The following GRIK1 variants were observed in gnomAD, a reference collection of about 807,000 sequenced individuals.
GRIK1 encodes the protein glutamate receptor ionotropic, kainate 1.
In GRIK1, 69 loss-of-function variants were observed where a neutral mutation model predicts 105.7. The observed-to-expected ratio is 0.65, with a 90% confidence interval of 0.54 to 0.80. The LOEUF is 0.80. Among genes scored for constraint, GRIK1 ranks in the 30% least tolerant of loss-of-function variants. GRIK1 has a pLI of 0.00. For missense variants in GRIK1, 1,109 were observed against 1,167.3 expected, an observed-to-expected ratio of 0.95 and a Z score of 0.73; for synonymous variants, 438 against 431.3, an observed-to-expected ratio of 1.02 and a Z score of -0.19.
At chr21:29,930,500 T>C (rs961568862) in intron 1 of GRIK1, among the ~76,000 whole-genome samples, 1 of 152,196 alleles carries the variant, frequency 6.6e-6, no homozygotes, top group African/African-American at 2.4e-5. Flanking sequence ...GGGAATTAAG[T>C]ATTGATTTTT....
rs182288327 is a variant in GRIK1, at chr21:29,914,084, G to A, written c.118+25299C>T. 4.5e-3 allele frequency among the ~76,000 whole-genome samples: 682 copies of A among 152,010 alleles called. 1 individual carries two copies. The highest frequency in any genetic ancestry group is 0.015 in the African/African-American group (640 of 41,484). On this transcript the variant is annotated intron_variant, in intron 1 of 17. Transcript: ENST00000327783. ...TTTAGGTAAAATAATTCTTTATTGT[G>A]GGGAGTTTTCCTGCATACTATAGGA...
chr21:29,608,960 C>G (rs1239124931), intron 7 of GRIK1, among the ~76,000 whole-genome samples: 1 of 151,906 alleles, frequency 6.6e-6, no homozygotes, highest in Non-Finnish European at 1.5e-5. Context: ...AGTTATAAGA[C>G]AAGTAGGATT....
At chr21:29,855,472 GCATATAACTTGA>G (rs2068435382) in intron 1 of GRIK1, among the ~76,000 whole-genome samples, 2 of 152,310 alleles carry the variant, frequency 1.3e-5, no homozygotes, top group East Asian at 3.9e-4. Context: ...ACCAAAGGCA[GCATATAACTTGA>G]CATAAGAAAT....
intron 1 of GRIK1, among the ~76,000 whole-genome samples, chr21:29,887,968 A>G (rs2069699689): frequency 1.3e-5 from 2 of 151,952 alleles, no homozygotes; most frequent in Non-Finnish European, 2.9e-5. Flanking sequence ...GGGTAGAATA[A>G]ATACTAGATT....
At position 29,689,784 on chromosome 21, in the gene GRIK1, T is replaced by A. The variant is rs2063551305; in HGVS notation, c.488A>T (p.Asp163Val). ...TTTCCAGTTGTAATAGAGGACCAGATCCAGGATCGCCCTGCTGATAGCTGC... is the reference window on the plus strand; with the variant it reads ...TTTCCAGTTGTAATAGAGGACCAGAACCAGGATCGCCCTGCTGATAGCTGC... ...DYAAISRAILDLVLYYNWKTV... is the reference protein window; with the variant it reads ...DYAAISRAILVLVLYYNWKTV... Residue 163 changes from aspartate to valine, a missense_variant, in exon 3 of 18, where the codon GAT becomes GTT. Asp to Val is a radical substitution (Grantham distance 152, BLOSUM62 -3). Transcript: ENST00000327783. 1 of 1,613,876 alleles carries A rather than the reference T, an allele frequency of 6.2e-7. No individual in the cohort carries two copies. Among genetic ancestry groups the A allele is most frequent in the South Asian group, 1.1e-5 (1 of 91,062 alleles).
At chr21:29,540,314 AAAC>A (rs1385419631) in intron 16 of GRIK1, among the ~76,000 whole-genome samples, 1 of 152,230 alleles carries the variant, frequency 6.6e-6, no homozygotes, top group African/African-American at 2.4e-5. Flanking sequence ...GAGCAAATAT[AAAC>A]ATAGTTTTAT....
chr21:29,888,158 C>CTT (rs2069710824), intron 1 of GRIK1, among the ~76,000 whole-genome samples: 1 of 43,992 alleles, frequency 2.3e-5, no homozygotes. Flanking sequence ...TCCCTCCTTT[C>CTT]TTTTTTCTTT....
chr21:29,661,648 T>C (rs1235964494), intron 4 of GRIK1, among the ~76,000 whole-genome samples: 1 of 152,166 alleles, frequency 6.6e-6, no homozygotes, highest in Non-Finnish European at 1.5e-5. Context: ...TGTAAACAAA[T>C]ATATTGTTAA....
chr21:29,708,543 G>T (rs1170090939), intron 1 of GRIK1, among the ~76,000 whole-genome samples: 3 of 152,174 alleles, frequency 2.0e-5, no homozygotes, highest in Non-Finnish European at 2.9e-5. Context: ...TGCGTGGATT[G>T]TACCTAACAT....
At chr21:29,695,233 A>G (rs1028186615) in intron 1 of GRIK1, among the ~76,000 whole-genome samples, 1 of 152,162 alleles carries the variant, frequency 6.6e-6, no homozygotes, top group African/African-American at 2.4e-5. Flanking sequence ...TTAACTGTAC[A>G]GTTCTTAGAT....
chr21:29,935,438 T>A (rs2071714765), intron 1 of GRIK1, among the ~76,000 whole-genome samples: 1 of 152,164 alleles, frequency 6.6e-6, no homozygotes, highest in Non-Finnish European at 1.5e-5. Flanking sequence ...GAATGAAGAA[T>A]GAATATTAAA....
At chr21:29,579,011 C>T (rs1407910674) in intron 13 of GRIK1, among the ~76,000 whole-genome samples, 2 of 151,994 alleles carry the variant, frequency 1.3e-5, no homozygotes, top group East Asian at 1.9e-4. Flanking sequence ...AAGGTTTTCA[C>T]TTATTTGTAT....
In GRIK1 at chr21:29,767,697, T is replaced by G. The variant is rs564584975; in HGVS notation, c.119-73634A>C. 2.0e-5 allele frequency among the ~76,000 whole-genome samples: 3 copies of G among 152,324 alleles called. 1 individual carries two copies. Among genetic ancestry groups the G allele is most frequent in the African/African-American group, 7.2e-5 (3 of 41,566 alleles). ...TCAAAAGGCTCTTGTGCTTCAACTT[T>G]TAATCTGGTAGTGACAGGCAATTGA... On this transcript the variant is annotated intron_variant, in intron 1 of 17. Coordinates refer to ENST00000327783, the MANE Select transcript of GRIK1 (RefSeq NM_001330994.2).
At chr21:29,664,264 TGTC>T (rs1334482159) in intron 4 of GRIK1, among the ~76,000 whole-genome samples, 1 of 152,196 alleles carries the variant, frequency 6.6e-6, no homozygotes, top group Non-Finnish European at 1.5e-5. Context: ...CAGGGAGTGA[TGTC>T]GTGATACAGA....
intron 1 of GRIK1, among the ~76,000 whole-genome samples, chr21:29,785,357 T>G (rs189519756): frequency 6.6e-6 from 1 of 151,922 alleles, no homozygotes; most frequent in Admixed American, 6.6e-5. Flanking sequence ...GAGGTCAGGA[T>G]TTTTGAGCTA....
Position 29,561,851 on chromosome 21 carries a change from T to C in GRIK1, c.2131-2A>G. On this transcript the variant is annotated splice_acceptor_variant, in intron 14 of 17. Coordinates refer to ENST00000327783, the MANE Select transcript of GRIK1 (RefSeq NM_001330994.2). LOFTEE classifies it high-confidence loss of function. ...CTCATAGGTGGAGATTTTTGATTTC[T>C]GGAGGGAAAGAAAACACACTCACCA... 2.5e-6 allele frequency: 4 copies of C among 1,597,760 alleles called. No homozygotes were observed. The highest frequency in any genetic ancestry group is 3.4e-6 in the Non-Finnish European group (4 of 1,165,876).
At chr21:29,787,722 C>T (rs538004360) in intron 1 of GRIK1, among the ~76,000 whole-genome samples, 1 of 152,314 alleles carries the variant, frequency 6.6e-6, no homozygotes, top group South Asian at 2.1e-4. Flanking sequence ...CACCACGATT[C>T]TTCATAGGTT....
chr21:29,625,122 G>T (rs1345943470), intron 7 of GRIK1, among the ~76,000 whole-genome samples: 1 of 152,124 alleles, frequency 6.6e-6, no homozygotes, highest in Non-Finnish European at 1.5e-5. Flanking sequence ...TTGTTATGAA[G>T]CTTTACTTGT....
At position 29,560,388 on chromosome 21, in the gene GRIK1, C is replaced by CTTTCTTTCTTT. The variant is rs1568813959; in HGVS notation, c.2356+1235_2356+1236insAAAGAAAGAAA. Among the ~76,000 whole-genome samples, 35 of 43,626 alleles carry CTTTCTTTCTTT rather than the reference C, an allele frequency of 8.0e-4. 4 individuals are homozygous for CTTTCTTTCTTT. Among genetic ancestry groups the CTTTCTTTCTTT allele is most frequent in the Admixed American group, 2.4e-3 (10 of 4,138 alleles). 28.6% of individuals were successfully genotyped at this position (43,626 alleles called of 152,430 possible). On this transcript the variant is annotated intron_variant, in intron 15 of 17. Coordinates refer to ENST00000327783, the MANE Select transcript of GRIK1 (RefSeq NM_001330994.2). ...TTCTTCCTTCCTTCCTTCCTTCCTT[C>CTTTCTTTCTTT]CTTCCTTCCTTCCTTTCTTTCTTTC... is the stretch of plus-strand genomic sequence containing the variant.
Sources: allele counts gnomAD v4.1 joint callset (sites outside exome capture counted in the v4.1 genomes callset), GRCh38; gene constraint gnomAD v4.1.1; transcripts MANE v1.5; gene names NCBI Gene and HGNC (gene_info 2026-07-23, HGNC 2026-07-21).